Variants in ERN2 observed in about 807,000 individuals in gnomAD.
The protein encoded by ERN2 is serine/threonine-protein kinase/endoribonuclease IRE2.
In ERN2, 111 loss-of-function variants were observed where a neutral mutation model predicts 107.9. That is an observed-to-expected ratio of 1.03 (90% confidence interval 0.88 to 1.20). The LOEUF is 1.20. ERN2 is among the 50% of genes most tolerant of loss of function. The probability of loss-of-function intolerance (pLI) is 0.00; values close to 1 mark genes in which losing one functional copy is unlikely to be tolerated. For missense variants in ERN2, 1,225 were observed against 1,197.9 expected (o/e 1.02, Z -0.33); for synonymous variants, 524 against 501.7 (o/e 1.04, Z -0.59).
intron 1 of ERN2, 35 bp from the exon 2 acceptor site, chr16:23,711,053 G>A (rs1960521482): frequency 1.3e-6 from 2 of 1,489,160 alleles, no homozygotes; most frequent in East Asian, 4.5e-5. Context: ...AGCTCTCTGA[G>A]GGGTCTGGGA....
rs35658446 is a variant in ERN2 at position 23,692,018 on chromosome 16, T to C, written c.2321A>G (p.Gln774Arg). 26 of 1,613,638 alleles carry C rather than the reference T, an allele frequency of 1.6e-5. No individual in the cohort carries two copies. In the East Asian group the frequency reaches 5.8e-4, roughly 36 times the overall value. ...CCAAAAGAAGGGGTGGGCCAGCACC[T>C]GGGGGGCAGAGGGGCGTGGCTGCGG... ...PLPQPRPSAPQVLAHPFFWSR... is the reference protein window; with the variant it reads ...PLPQPRPSAPRVLAHPFFWSR... Residue 774 changes from glutamine to arginine, a missense_variant, in exon 19 of 22, where the codon CAG becomes CGG. Physicochemically the swap from Gln to Arg is conservative, Grantham distance 43. Coordinates refer to ENST00000256797, the MANE Select transcript of ERN2 (RefSeq NM_033266.4).
At chr16:23,693,601 A>AATATATATATAT (rs1555466491) in intron 17 of ERN2, among the ~76,000 whole-genome samples, 1 of 147,734 alleles carries the variant, frequency 6.8e-6, no homozygotes, top group African/African-American at 2.5e-5. Context: ...AAAAAAAAAA[A>AATATATATATAT]ATATATATAT....
At position 23,710,546 on chromosome 16, in the gene ERN2, G is replaced by C. The variant is rs748028455; in HGVS notation, c.203C>G (p.Pro68Arg). 1 of 1,614,052 alleles carries C rather than the reference G, an allele frequency of 6.2e-7. No individual in the cohort carries two copies. Among genetic ancestry groups the C allele is most frequent in the East Asian group, 2.2e-5 (1 of 44,898 alleles). Residue 68 changes from proline (P) to arginine (R), a missense_variant, in exon 3 of 22, where the codon CCC becomes CGC. Coordinates refer to ENST00000256797, the MANE Select transcript of ERN2 (RefSeq NM_033266.4). Reference protein sequence around the residue: ...GDLKWTLRDDPVIEGPMYVTE... With the variant: ...GDLKWTLRDDRVIEGPMYVTE... ...GACGTACATTGGTCCTTCGATGACGGGATCTGCAGGGACAGGGACACAGAA... is the reference window on the plus strand; with the variant it reads ...GACGTACATTGGTCCTTCGATGACGCGATCTGCAGGGACAGGGACACAGAA...
intron 1 of ERN2, chr16:23,712,072 C>T (rs936655302): frequency 1.5e-5 from 7 of 452,820 alleles, no homozygotes; most frequent in Middle Eastern, 3.2e-4. Flanking sequence ...GTGGCCCAGC[C>T]GCACCCCTAC....
rs967036867 is a variant in ERN2, at chr16:23,713,031, C to T, written c.93+64G>A. On this transcript the variant is annotated intron_variant, in intron 1 of 21. Transcript: ENST00000256797. ...CCCCGCCGCGCCCTCGCCCCAAGTG[C>T]GACGCCGCCCCCTGCGCCCCGCGAC... The T allele has an allele frequency of 9.6e-5, 125 of 1,302,364 alleles. 1 individual carries two copies. The highest frequency in any genetic ancestry group is 1.3e-4 in the Non-Finnish European group (124 of 986,740). The allele number at this position is 1,302,364 out of a possible 1,614,324, so 80.7% of individuals were successfully genotyped here.
At chr16:23,698,709 C>T (rs955404874) in intron 13 of ERN2, among the ~76,000 whole-genome samples, 1 of 152,084 alleles carries the variant, frequency 6.6e-6, no homozygotes, top group Admixed American at 6.6e-5. Flanking sequence ...CCTCAGCCAC[C>T]CCCCAGTAGC....
chr16:23,707,064 T>C lies in ERN2; in HGVS notation c.322A>G (p.Ile108Val). 1 of 1,613,968 alleles carries C rather than the reference T, an allele frequency of 6.2e-7. No individual in the cohort carries two copies. Among genetic ancestry groups the C allele is most frequent in the Non-Finnish European group, 8.5e-7 (1 of 1,179,876 alleles). Residue 108 changes from isoleucine (I) to valine (V), a missense_variant, in exon 5 of 22, where the codon ATC becomes GTC. Transcript: ENST00000256797. ...QQGLMKLPFT[I>V]PELVHASPCR... ...GGAGAGGCATGAACCAGCTCAGGGA[T>C]GGTGAATGGCAGTTTCTAGGAGACG...
Position 23,702,411 on chromosome 16 carries a change from G to C in ERN2, c.1060C>G (p.Pro354Ala). 1 of 1,613,634 alleles carries C rather than the reference G, an allele frequency of 6.2e-7. No homozygotes were observed. Among genetic ancestry groups the C allele is most frequent in the Non-Finnish European group, 8.5e-7 (1 of 1,179,932 alleles). The change falls in exon 10 of 22, where the codon CCA becomes GCA. Residue 354 changes from proline (P) to alanine (A), a missense_variant. Physicochemically the swap from Pro to Ala is conservative, Grantham distance 27. Coordinates refer to ENST00000256797, the MANE Select transcript of ERN2 (RefSeq NM_033266.4). The stretch of plus-strand genomic sequence containing the variant: ...TCACCAATGAGCAGCCACTGGCTTG[G>C]GAGGGCCACACTGCCTGAGGGGTAT... The part of the protein sequence containing the change: ...VRYPSGSVAL[P>A]SQWLLIGHHE...
Position 23,695,885 on chromosome 16 carries a change from G to A in ERN2, c.1610+9C>T, listed in dbSNP as rs1359437189. On this transcript the variant is annotated intron_variant, in intron 14 of 21. Transcript: ENST00000256797. ...CATGTCCCCAGCTTGGCTCCTGGCT[G>A]CCACTCACCGGAAAACGAAAGTCCC... 19 of 1,611,704 alleles carry A rather than the reference G, an allele frequency of 1.2e-5. No individual in the cohort carries two copies. The highest frequency in any genetic ancestry group is 1.6e-5 in the Non-Finnish European group (19 of 1,178,070).
chr16:23,710,423 A>G, intron 3 of ERN2, 93 bp downstream of exon 3: 2 of 1,384,668 alleles, frequency 1.4e-6, no homozygotes, highest in Non-Finnish European at 2.1e-6. Flanking sequence ...TACTTCCAAC[A>G]TGTCCCTGCC....
chr16:23,690,936 G>C lies in ERN2; in HGVS notation c.2676C>G (p.His892Gln). ...FTNRFPRLLL[H>Q]THRAMRSCAS... The stretch of plus-strand genomic sequence containing the variant: ...CGCAGCTCCTCATGGCTCGGTGCGT[G>C]TGGAGGAGCAGCCGTGGGAAGCGGT... Residue 892 changes from histidine (H) to glutamine (Q), a missense_variant, in exon 22 of 22, where the codon CAC (histidine) becomes CAG (glutamine). Coordinates refer to ENST00000256797, the MANE Select transcript of ERN2 (RefSeq NM_033266.4). 1.2e-6 allele frequency: 2 copies of C among 1,614,068 alleles called. No homozygotes were observed. Among genetic ancestry groups the C allele is most frequent in the Non-Finnish European group, 8.5e-7 (1 of 1,180,030 alleles).
chr16:23,707,438 G>A, intron 4 of ERN2: 1 of 317,222 alleles, frequency 3.2e-6, no homozygotes. Flanking sequence ...CACTGGGGCA[G>A]GCATGGTGGC....
chr16:23,707,467 C>T, intron 4 of ERN2: 1 of 243,046 alleles, frequency 4.1e-6, no homozygotes, highest in Non-Finnish European at 8.0e-6. Flanking sequence ...ATACTCCCAG[C>T]ACATTGGGAG....
At chr16:23,700,889 G>T in intron 12 of ERN2, 70 bp downstream of exon 12, 1 of 1,541,294 alleles carries the variant, frequency 6.5e-7, no homozygotes, top group Non-Finnish European at 8.8e-7. Context: ...GGAGAGAGTT[G>T]CTGAGTGGTC....
At position 23,713,170 on chromosome 16, in the gene ERN2, C is replaced by G. The variant is rs757013998; in HGVS notation, c.18G>C (p.Arg6Ser). ...CCAGCCGGGGCCACGGCCTCGACCC[C>G]CTGACCGCACTCGCCATAGCGCCTG... MASAV[R>S]GSRPWPRLGL... The change falls in exon 1 of 22, where the codon AGG becomes AGC. Residue 6 changes from arginine to serine, a missense_variant. Transcript: ENST00000256797. 3 of 1,576,296 alleles carry G rather than the reference C, an allele frequency of 1.9e-6. No homozygotes were observed. Among genetic ancestry groups the G allele is most frequent in the Non-Finnish European group, 2.6e-6 (3 of 1,167,354 alleles).
chr16:23,701,971 TAACAAC>T lies in ERN2; in HGVS notation c.1203+175_1203+180del, dbSNP rs1555467632. ...AACACTTCTAACGTGTTTCTGGCAGTAACAACAACAACAACAACAACAAGTTGTGTT... is the reference window on the plus strand; with the variant it reads ...AACACTTCTAACGTGTTTCTGGCAGTAACAACAACAACAACAAGTTGTGTT... On this transcript the variant is annotated intron_variant, in intron 11 of 21. Transcript: ENST00000256797. Among the ~76,000 whole-genome samples, 18 of 65,964 alleles carry T rather than the reference TAACAAC, an allele frequency of 2.7e-4. No individual in the cohort carries two copies. The Admixed American group carries it at 2.8e-3, about 10-fold the overall frequency. The allele number at this position is 65,964 out of a possible 152,430, so 43.3% of individuals were successfully genotyped here.
At chr16:23,709,089 A>G (rs763024188) in intron 4 of ERN2, 55 of 439,324 alleles carry the variant, frequency 1.3e-4, no homozygotes, top group Non-Finnish European at 2.1e-4. Context: ...ACCTTCCTAA[A>G]TCATATACTT....
intron 11 of ERN2, among the ~76,000 whole-genome samples, chr16:23,701,467 G>A (rs1359298059): frequency 6.6e-6 from 1 of 152,172 alleles, no homozygotes; most frequent in East Asian, 1.9e-4. Flanking sequence ...ATTGCTCTAG[G>A]CCATGGCTGT....
chr16:23,703,061 A>T (rs1419890734), intron 8 of ERN2, among the ~76,000 whole-genome samples: 1 of 151,976 alleles, frequency 6.6e-6, no homozygotes, highest in African/African-American at 2.4e-5. Flanking sequence ...CCAAGCCATG[A>T]GCAGACTGCA....
Sources: allele counts gnomAD v4.1 joint callset (sites outside exome capture counted in the v4.1 genomes callset), GRCh38; gene constraint gnomAD v4.1.1; transcripts MANE v1.5; gene names NCBI Gene and HGNC (gene_info 2026-07-23, HGNC 2026-07-21).